SAMD9L: variants seen among roughly 807,000 people sequenced by gnomAD.
SAMD9L encodes sterile alpha motif domain-containing protein 9-like.
Under a neutral mutation model 90.7 loss-of-function variants are expected in SAMD9L, and 68 were observed. The observed-to-expected ratio is 0.75, with a 90% CI of 0.62 to 0.92. The LOEUF (loss-of-function observed/expected upper bound fraction) is 0.92, where lower values mean the gene tolerates loss of function less well. Ranked by LOEUF, SAMD9L falls within the 40% of genes least tolerant of loss-of-function variation. The pLI is 0.00. For missense variants in SAMD9L, 1,604 were observed against 1,824.3 expected, an observed-to-expected ratio of 0.88 and a Z score of 2.20; for synonymous variants, 640 against 630.1, an observed-to-expected ratio of 1.02 and a Z score of -0.23.
In SAMD9L at chr7:93,132,860, G is replaced by A; in HGVS notation, c.3112C>T (p.Leu1038Phe). ...ACCTTGCGCTGTCTTGTAAGCAGAA[G>A]AGTTTGAACATCATGTTGAAATTTG... ...RDKFQHDVQTLLLTRQRKVYG... is the reference protein window; with the variant it reads ...RDKFQHDVQTFLLTRQRKVYG... Residue 1038 changes from leucine to phenylalanine, a missense_variant, in exon 5 of 5, where the codon CTT (leucine) becomes TTT (phenylalanine). This residue lies in a region of SAMD9L where 302 missense variants were observed against 314.7 expected (regional missense o/e 0.96). Transcript: ENST00000318238. 1 of 1,613,772 alleles carries A rather than the reference G, an allele frequency of 6.2e-7. No homozygotes were observed. The highest frequency in any genetic ancestry group is 2.2e-5 in the East Asian group (1 of 44,866).
rs757801762 is a variant in SAMD9L, at chr7:93,135,859, A to G, written c.113T>C (p.Leu38Pro). Residue 38 changes from leucine to proline, a missense_variant, in exon 5 of 5, where the codon CTC becomes CCC. This residue lies in a region of SAMD9L where 374 missense variants were observed against 363.6 expected (regional missense o/e 1.03). Coordinates refer to ENST00000318238, the MANE Select transcript of SAMD9L (RefSeq NM_152703.5). ...GACTAATCCTGTTACTTCTTCACTG[A>G]GCAGAATTTGCCCGTATTGCTCATT... is the stretch of plus-strand genomic sequence containing the variant. ...KINEQYGQIL[L>P]SEEVTGLVLQ... 2 of 1,614,000 alleles carry G rather than the reference A, an allele frequency of 1.2e-6. No homozygotes were observed. The highest frequency in any genetic ancestry group is 1.3e-5 in the African/African-American group (1 of 75,006).
rs757272465 is a variant in SAMD9L at position 93,132,709 on chromosome 7, A to G, written c.3263T>C (p.Leu1088Ser). The G allele has an allele frequency of 6.8e-6, 11 of 1,613,726 alleles. No individual in the cohort carries two copies. In the Admixed American group the frequency reaches 1.0e-4, roughly 15 times the overall value. Residue 1088 changes from leucine to serine, a missense_variant, in exon 5 of 5, where the codon TTA becomes TCA. Around this residue, in one of 7 missense-constraint regions of SAMD9L, gnomAD observed 302 missense variants for 314.7 expected, o/e 0.96. Coordinates refer to ENST00000318238, the MANE Select transcript of SAMD9L (RefSeq NM_152703.5). ...CTCTTTAATGTAGAAATGTCTTGCT[A>G]AGGCTTGACAAATGAATGCATTTTG... Reference protein sequence around the residue: ...FPQNAFICQALARHFYIKEKD... With the variant: ...FPQNAFICQASARHFYIKEKD...
Position 93,133,657 on chromosome 7 carries a change from G to A in SAMD9L, c.2315C>T (p.Thr772Ile), listed in dbSNP as rs1364629819. 4 of 1,613,428 alleles carry A rather than the reference G, an allele frequency of 2.5e-6. No homozygotes were observed. The highest frequency in any genetic ancestry group is 2.5e-6 in the Non-Finnish European group (3 of 1,179,806). ...FRCAVLKNKTTDFAEIAEQVI... is the reference protein window; with the variant it reads ...FRCAVLKNKTIDFAEIAEQVI... ...TTGCTCTGCAATTTCTGCAAAATCAGTTGTCTTGTTTTTTAACACAGCACA... is the reference window on the plus strand; with the variant it reads ...TTGCTCTGCAATTTCTGCAAAATCAATTGTCTTGTTTTTTAACACAGCACA... The change falls in exon 5 of 5, where the codon ACT (threonine) becomes ATT (isoleucine). Residue 772 changes from threonine to isoleucine, a missense_variant. Thr to Ile is a moderately conservative substitution (Grantham distance 89). Coordinates refer to ENST00000318238, the MANE Select transcript of SAMD9L (RefSeq NM_152703.5).
Position 93,131,417 on chromosome 7 carries a change from T to C in SAMD9L, c.4555A>G (p.Lys1519Glu). The C allele has an allele frequency of 1.9e-6, 3 of 1,613,824 alleles. No individual in the cohort carries two copies. The highest frequency in any genetic ancestry group is 2.5e-6 in the Non-Finnish European group (3 of 1,179,858). The change falls in exon 5 of 5, where the codon AAA (lysine) becomes GAA (glutamate). Residue 1519 changes from lysine (K) to glutamate (E), a missense_variant. Around this residue, in one of 7 missense-constraint regions of SAMD9L, gnomAD observed 282 missense variants for 329.6 expected, o/e 0.86. Coordinates refer to ENST00000318238, the MANE Select transcript of SAMD9L (RefSeq NM_152703.5). ...SGDVWKKNEV[K>E]DLLRRLTGQA... ...CCAGTTAGACGACGCAGGAGGTCTT[T>C]GACTTCATTTTTTTTCCACACATCC...
Position 93,131,008 on chromosome 7 carries a change from A to T in SAMD9L, c.*209T>A, listed in dbSNP as rs1792062585. The T allele has an allele frequency of 6.8e-6, 3 of 441,890 alleles. No individual in the cohort carries two copies. The East Asian group carries it at 1.0e-4, about 15-fold the overall frequency. The allele number at this position is 441,890 out of a possible 1,614,324, so 27.4% of individuals were successfully genotyped here. ...GAGTCTGAAAATGCATATTTAAAAC[A>T]TTAAAAGATTGACTCCACTTTGTGC... is the stretch of plus-strand genomic sequence containing the variant. On this transcript the variant is annotated 3_prime_UTR_variant, in exon 5 of 5. Coordinates refer to ENST00000318238, the MANE Select transcript of SAMD9L (RefSeq NM_152703.5).
In SAMD9L at chr7:93,131,411, G is replaced by C. The variant is rs1287315275; in HGVS notation, c.4561C>G (p.Leu1521Val). The change falls in exon 5 of 5, where the codon CTC becomes GTC. Residue 1521 changes from leucine to valine, a missense_variant. Leu to Val is a conservative substitution (Grantham distance 32). Transcript: ENST00000318238. ...GCCTGACCAGTTAGACGACGCAGGAGGTCTTTGACTTCATTTTTTTTCCAC... is the reference window on the plus strand; with the variant it reads ...GCCTGACCAGTTAGACGACGCAGGACGTCTTTGACTTCATTTTTTTTCCAC... The part of the protein sequence containing the change: ...DVWKKNEVKD[L>V]LRRLTGQAEG... The C allele has an allele frequency of 6.2e-7, 1 of 1,613,624 alleles. No individual in the cohort carries two copies. The highest frequency in any genetic ancestry group is 8.5e-7 in the Non-Finnish European group (1 of 1,179,850).
At position 93,132,520 on chromosome 7, in the gene SAMD9L, T is replaced by C. The variant is rs1792168100; in HGVS notation, c.3452A>G (p.His1151Arg). ...CRSITVNDLT[H>R]LLEAAEKASR... is the part of the protein sequence containing the mutation. ...GGCTTTTTCCGCAGCTTCTAGGAGA[T>C]GTGTTAGGTCATTAACAGTAATGCT... Residue 1151 changes from histidine to arginine, a missense_variant, in exon 5 of 5, where the codon CAT becomes CGT. Coordinates refer to ENST00000318238, the MANE Select transcript of SAMD9L (RefSeq NM_152703.5). 1 of 1,613,918 alleles carries C rather than the reference T, an allele frequency of 6.2e-7. No individual in the cohort carries two copies. The highest frequency in any genetic ancestry group is 8.5e-7 in the Non-Finnish European group (1 of 1,179,824).
Position 93,135,240 on chromosome 7 carries a change from T to G in SAMD9L, c.732A>C (p.Lys244Asn). The part of the protein sequence containing the change: ...NGTIHFGVKD[K>N]PHGEIVGVKI... ...TCACACCAACAATTTCTCCATGGGG[T>G]TTGTCCTTGACTCCAAAATGGATGG... Residue 244 changes from lysine (K) to asparagine (N), a missense_variant, in exon 5 of 5, where the codon AAA becomes AAC. Transcript: ENST00000318238. 6.2e-7 allele frequency: 1 copy of G among 1,614,040 alleles called. No homozygotes were observed. The highest frequency in any genetic ancestry group is 1.7e-4 in the Middle Eastern group (1 of 6,058).
Position 93,133,550 on chromosome 7 carries a change from GTTC to G in SAMD9L, c.2419_2421del (p.Glu807del). ...TTTTGTAGAAAGTAGACATTTTCTT[GTTC>G]TTCAAAATCATCCACAAGGAGAAGC... On this transcript the variant is annotated inframe_deletion, in exon 5 of 5. Transcript: ENST00000318238. 1 of 1,613,702 alleles carries G rather than the reference GTTC, an allele frequency of 6.2e-7. No individual in the cohort carries two copies. The highest frequency in any genetic ancestry group is 8.5e-7 in the Non-Finnish European group (1 of 1,179,810).
chr7:93,136,705 T>C (rs917293848), intron 4 of SAMD9L, among the ~76,000 whole-genome samples: 1 of 152,256 alleles, frequency 6.6e-6, no homozygotes, highest in African/African-American at 2.4e-5. Flanking sequence ...ATGAAGATCC[T>C]ACAACTATGT....
intron 1 of SAMD9L, among the ~76,000 whole-genome samples, chr7:93,147,897 T>G (rs770145663): frequency 6.6e-5 from 10 of 152,214 alleles, no homozygotes; most frequent in Non-Finnish European, 1.2e-4. Context: ...TGACCCTGTT[T>G]GCATCGTTTC....
chr7:93,132,653 G>A lies in SAMD9L; in HGVS notation c.3319C>T (p.Arg1107Cys), dbSNP rs759109631. 48 of 1,613,646 alleles carry A rather than the reference G, an allele frequency of 3.0e-5. No homozygotes were observed. The highest frequency in any genetic ancestry group is 3.6e-5 in the Non-Finnish European group (42 of 1,179,814). ...TTAGGTGCTTTCATTTTGGCCTGAC[G>A]TGCCCAGTCCAGAGCTGTGTTAAAG... The part of the protein sequence containing the change: ...KDFNTALDWA[R>C]QAKMKAPKNS... Residue 1107 changes from arginine to cysteine, a missense_variant, in exon 5 of 5, where the codon CGT (arginine) becomes TGT (cysteine). By Grantham distance (180) the Arg-to-Cys change is radical. This residue lies in a region of SAMD9L where 302 missense variants were observed against 314.7 expected (regional missense o/e 0.96). Transcript: ENST00000318238.
Position 93,131,892 on chromosome 7 carries a change from T to G in SAMD9L, c.4080A>C (p.Ile1360=). ...GCAGTAGGAAGGCATATTCATTCAC[T>G]ATACTTTCCATGGTGGTAGCATCTT... ...NYKDATTMES[I]VNEYAFLLQQ... is the part of the protein sequence containing the mutation. The change falls in exon 5 of 5, where the codon ATA becomes ATC. Residue 1360 remains isoleucine, a synonymous_variant. Transcript: ENST00000318238. 6.2e-7 allele frequency: 1 copy of G among 1,612,614 alleles called. No homozygotes were observed. Among genetic ancestry groups the G allele is most frequent in the South Asian group, 1.1e-5 (1 of 91,074 alleles).
Position 93,131,571 on chromosome 7 carries a change from G to A in SAMD9L, c.4401C>T (p.Cys1467=). 3 of 1,613,936 alleles carry A rather than the reference G, an allele frequency of 1.9e-6. No individual in the cohort carries two copies. The highest frequency in any genetic ancestry group is 2.5e-6 in the Non-Finnish European group (3 of 1,179,868). ...AAAGTGTGCTTGCCTGCTTGGACCT[G>A]CACATGCGCTTGTACTGTCCCCTGA... ...RSFRGQYKRM[C]RSKQASTLFY... is the part of the protein sequence containing the mutation. Residue 1467 remains cysteine (C), a synonymous_variant, in exon 5 of 5, where the codon TGC becomes TGT. Transcript: ENST00000318238.
chr7:93,147,174 T>C (rs572320288), intron 1 of SAMD9L, 28 bp from the exon 2 acceptor site: 1 of 152,296 alleles, frequency 6.6e-6, no homozygotes, highest in East Asian at 1.9e-4. Flanking sequence ...AGACTCCAGA[T>C]TTTTTCTTTC....
In SAMD9L at chr7:93,136,084, CAT is replaced by C. The variant is rs969275563; in HGVS notation, c.-20-95_-20-94del. On this transcript the variant is annotated intron_variant, in intron 4 of 4. Transcript: ENST00000318238. Reference sequence around the variant, plus strand: ...TGTATACATTATCATACAGAAGATACATATATATATGTATAATATTGCTAAAG... The same window carrying C: ...TGTATACATTATCATACAGAAGATACATATATATGTATAATATTGCTAAAG... The C allele has an allele frequency of 7.3e-5, 59 of 805,528 alleles. 1 individual carries two copies. Among genetic ancestry groups the C allele is most frequent in the African/African-American group, 6.9e-4 (39 of 56,310 alleles). 49.9% of individuals were successfully genotyped at this position (805,528 alleles called of 1,614,324 possible).
chr7:93,140,032 C>T (rs549142194), intron 4 of SAMD9L, among the ~76,000 whole-genome samples: 2 of 152,250 alleles, frequency 1.3e-5, no homozygotes, highest in African/African-American at 4.8e-5. Context: ...TAGTTACATC[C>T]ACCACTCAGT....
At position 93,134,939 on chromosome 7, in the gene SAMD9L, C is replaced by A. The variant is rs531604437; in HGVS notation, c.1033G>T (p.Glu345Ter). The part of the protein sequence containing the change: ...QNQNLSLFVR[E>*]GASSRDILAN... ...AGGATATCCCTAGAGCTAGCCCCTT[C>A]TCTTACAAACAGTGAAAGATTTTGG... The change falls in exon 5 of 5, where the codon GAA becomes TAA. Residue 345 changes from glutamate to a stop codon, truncating the protein, a stop_gained. Coordinates refer to ENST00000318238, the MANE Select transcript of SAMD9L (RefSeq NM_152703.5). LOFTEE classifies it low-confidence loss of function (END_TRUNC). The A allele has an allele frequency of 6.2e-7, 1 of 1,613,610 alleles. No homozygotes were observed. The highest frequency in any genetic ancestry group is 1.3e-5 in the African/African-American group (1 of 74,896).
In SAMD9L at chr7:93,135,018, A is replaced by T; in HGVS notation, c.954T>A (p.Asp318Glu). Residue 318 changes from aspartate to glutamate, a missense_variant, in exon 5 of 5, where the codon GAT becomes GAA. Transcript: ENST00000318238. ...DTIPKHSICN[D>E]KYFYIQMQIC... ...TTTGCATCTGAATGTAGAAATACTT[A>T]TCATTACATATAGAGTGTTTTGGAA... 6.2e-7 allele frequency: 1 copy of T among 1,612,588 alleles called. No individual in the cohort carries two copies. Among genetic ancestry groups the T allele is most frequent in the Middle Eastern group, 1.7e-4 (1 of 6,056 alleles).
Sources: gnomAD v4.1 joint callset for allele counts (sites outside exome capture counted in the v4.1 genomes callset) on GRCh38, gnomAD v4.1.1 for gene constraint, gnomAD v4.1.1 regional missense constraint, MANE v1.5 for transcripts, NCBI Gene and HGNC (gene_info 2026-07-23, HGNC 2026-07-21) for gene names.